LMTK3: variants seen among roughly 807,000 people sequenced by gnomAD.
LMTK3 encodes serine/threonine-protein kinase LMTK3.
LMTK3 carries 27 observed loss-of-function variants against 116.7 expected under a neutral mutation model. The ratio of observed to expected loss-of-function variants is 0.23; its 90% confidence interval spans 0.17 to 0.32. LMTK3 has a LOEUF of 0.32. Among genes scored for constraint, LMTK3 ranks in the 10% least tolerant of loss-of-function variants. The pLI, the probability that LMTK3 is intolerant of heterozygous loss-of-function variation, is 1.00. For synonymous variants in LMTK3, 965 were observed against 971.0 expected (o/e 0.99, Z 0.11); for missense variants, 1,764 against 2,068.5 (o/e 0.85, Z 2.86).
upstream of LMTK3, among the ~76,000 whole-genome samples, chr19:48,512,237 C>T (rs1752406187): frequency 1.3e-5 from 2 of 152,124 alleles, no homozygotes; most frequent in African/African-American, 4.8e-5. Flanking sequence ...CAGCCATCAG[C>T]AGACGGGGAC....
chr19:48,496,550 C>T (rs1972329789), intron 11 of LMTK3, among the ~76,000 whole-genome samples: 1 of 152,254 alleles, frequency 6.6e-6, no homozygotes, highest in Admixed American at 6.5e-5. Context: ...CCGCCCACCT[C>T]GGCCTCCCAA....
intron 5 of LMTK3, among the ~76,000 whole-genome samples, chr19:48,508,425 G>A (rs1427729887): frequency 2.6e-5 from 4 of 152,132 alleles, no homozygotes; most frequent in African/African-American, 4.8e-5. Flanking sequence ...AAGAAGGGCA[G>A]GGATGGAGCT....
intron 5 of LMTK3, among the ~76,000 whole-genome samples, chr19:48,506,033 T>C (rs1013993271): frequency 1.3e-5 from 2 of 151,042 alleles, no homozygotes; most frequent in Non-Finnish European, 2.9e-5. Context: ...TCGCAGCTAC[T>C]CTGGAGGCTG....
At position 48,493,922 on chromosome 19, in the gene LMTK3, G is replaced by C. The variant is rs1334916394; in HGVS notation, c.3864C>G (p.Asp1288Glu). The change falls in exon 12 of 15, where the codon GAC becomes GAG. Residue 1288 changes from aspartate (D) to glutamate (E), a missense_variant. Physicochemically the swap from Asp to Glu is conservative, Grantham distance 45. This residue lies in a region of LMTK3 where 281 missense variants were observed against 301.4 expected (regional missense o/e 0.93). Transcript: ENST00000600059. ...CCGCGCCCGGCGCCGCCGCCTCCTC[G>C]TCCTCCTCCTCGTCCTCGTCCTCGT... is the stretch of plus-strand genomic sequence containing the variant. ...GEDEDEDEEEDEEAAAPGAAA... is the reference protein window; with the variant it reads ...GEDEDEDEEEEEEAAAPGAAA... 5.8e-6 allele frequency: 6 copies of C among 1,030,600 alleles called. 1 individual carries two copies. The South Asian group carries it at 2.2e-4, about 38-fold the overall frequency. 63.8% of individuals were successfully genotyped at this position (1,030,600 alleles called of 1,614,324 possible). A position where few individuals can be genotyped will look rare whatever the true frequency, so the allele number is the denominator to read the frequency against.
chr19:48,499,466 T>C lies in LMTK3; in HGVS notation c.1603A>G (p.Ser535Gly). The change falls in exon 11 of 15, where the codon AGC (serine) becomes GGC (glycine). Residue 535 changes from serine (S) to glycine (G), a missense_variant. By Grantham distance (56) the Ser-to-Gly change is moderately conservative. Transcript: ENST00000600059. ...TCCAAGCGGATGTAGTACTCGCTGC[T>C]CACGGAGGGGCTGCGGGCGCTGATG... ...PVISARSPSVSSEYYIRLEEH... is the reference protein window; with the variant it reads ...PVISARSPSVGSEYYIRLEEH... The C allele has an allele frequency of 1.4e-6, 2 of 1,468,884 alleles. No homozygotes were observed. Among genetic ancestry groups the C allele is most frequent in the South Asian group, 2.8e-5 (2 of 72,670 alleles). The allele number at this position is 1,468,884 out of a possible 1,614,324, so 91.0% of individuals were successfully genotyped here.
intron 5 of LMTK3, among the ~76,000 whole-genome samples, chr19:48,508,207 G>A (rs543913453): frequency 1.4e-4 from 21 of 152,228 alleles, no homozygotes; most frequent in Non-Finnish European, 2.5e-4. Flanking sequence ...CCTGTAGGCA[G>A]TAGGGAGCCA....
intron 11 of LMTK3, among the ~76,000 whole-genome samples, chr19:48,496,363 A>G (rs1184082943): frequency 2.0e-5 from 3 of 151,432 alleles, no homozygotes; most frequent in African/African-American, 7.3e-5. Flanking sequence ...CAGTGGCACA[A>G]TCTCGGCTCG....
At chr19:48,508,812 C>T in intron 5 of LMTK3, 39 bp downstream of exon 5, 1 of 1,480,374 alleles carries the variant, frequency 6.8e-7, no homozygotes, top group African/African-American at 1.4e-5. Flanking sequence ...CTGAATGTCA[C>T]CTCAACAAGG....
At position 48,508,937 on chromosome 19, in the gene LMTK3, G is replaced by A. The variant is rs773422837; in HGVS notation, c.471C>T (p.Thr157=). The part of the protein sequence containing the change: ...VILGEIFSDY[T]PAQVVVKELR... Reference sequence around the variant, plus strand: ...GCTCCTTCACCACCACCTGGGCGGGGGTGTAGTCGGAGAAAATCTCTCCCA... The same window carrying A: ...GCTCCTTCACCACCACCTGGGCGGGAGTGTAGTCGGAGAAAATCTCTCCCA... The change falls in exon 5 of 15, where the codon ACC becomes ACT. Residue 157 remains threonine (T), a synonymous_variant. Coordinates refer to ENST00000600059, the MANE Select transcript of LMTK3 (RefSeq NM_001388485.1). 2.5e-6 allele frequency: 4 copies of A among 1,611,930 alleles called. No homozygotes were observed. Among genetic ancestry groups the A allele is most frequent in the Admixed American group, 3.3e-5 (2 of 59,720 alleles).
chr19:48,494,053 C>G lies in LMTK3; in HGVS notation c.3733G>C (p.Gly1245Arg), dbSNP rs1972281238. ...CACGGGGGCCGCCGCGGGCCCGGCCCCGGGAATGGCGTGAGCGTGAGCGGC... is the reference window on the plus strand; with the variant it reads ...CACGGGGGCCGCCGCGGGCCCGGCCGCGGGAATGGCGTGAGCGTGAGCGGC... The part of the protein sequence containing the change: ...LPPLTLTPFP[G>R]PGPRRPPWEG... Residue 1245 changes from glycine to arginine, a missense_variant, in exon 12 of 15, where the codon GGG becomes CGG. Around this residue, in one of 7 missense-constraint regions of LMTK3, gnomAD observed 39 missense variants for 75.4 expected, o/e 0.52. Coordinates refer to ENST00000600059, the MANE Select transcript of LMTK3 (RefSeq NM_001388485.1). The surrounding 1 kb of genome is among the most constrained non-coding windows in gnomAD (Gnocchi z 4.0). 8.4e-7 allele frequency: 1 copy of G among 1,187,392 alleles called. No homozygotes were observed. The highest frequency in any genetic ancestry group is 4.5e-5 in the Admixed American group (1 of 22,066). 73.6% of individuals were successfully genotyped at this position (1,187,392 alleles called of 1,614,324 possible).
At position 48,494,305 on chromosome 19, in the gene LMTK3, C is replaced by T. The variant is rs1972286114; in HGVS notation, c.3677-196G>A. On this transcript the variant is annotated intron_variant, in intron 11 of 14. Transcript: ENST00000600059. This position sits in a 1 kb window ranked among gnomAD's most constrained non-coding sequence, Gnocchi z 4.0. ...TCCAGTGCTCAACCTCCCCAGAGCT[C>T]CCCAGTGCCAACGGCTTTAAGCCGC... is the stretch of plus-strand genomic sequence containing the variant. 6.6e-6 allele frequency among the ~76,000 whole-genome samples: 1 copy of T among 152,212 alleles called. No individual in the cohort carries two copies.
In LMTK3 at chr19:48,498,601, G is replaced by A. The variant is rs763856244; in HGVS notation, c.2468C>T (p.Ala823Val). The A allele has an allele frequency of 2.6e-6, 4 of 1,546,684 alleles. No individual in the cohort carries two copies. The highest frequency in any genetic ancestry group is 1.4e-5 in the African/African-American group (1 of 72,368). ...AEEEGVPRPR[A>V]PPEPPDPGAP... ...TCCTGGGTCGGGTGGCTCGGGGGGA[G>A]CCCGCGGCCGAGGGACCCCTTCCTC... Residue 823 changes from alanine to valine, a missense_variant, in exon 11 of 15, where the codon GCT (alanine) becomes GTT (valine). By Grantham distance (64) the Ala-to-Val change is moderately conservative. Around this residue, in one of 7 missense-constraint regions of LMTK3, gnomAD observed 1,028 missense variants for 1,050.6 expected, o/e 0.98. Coordinates refer to ENST00000600059, the MANE Select transcript of LMTK3 (RefSeq NM_001388485.1).
chr19:48,504,339 G>T (rs916239279), intron 5 of LMTK3, among the ~76,000 whole-genome samples: 14 of 152,124 alleles, frequency 9.2e-5, no homozygotes, highest in Admixed American at 9.2e-4. Flanking sequence ...AGACTCGGGG[G>T]TTTGAACCCT....
At chr19:48,512,057 T>TG (rs572376440), upstream of LMTK3, among the ~76,000 whole-genome samples, 19 of 20,272 alleles carry the variant, frequency 9.4e-4, no homozygotes, top group South Asian at 0.02. Flanking sequence ...GCAGCGGGGG[T>TG]GGGGGGGCAG....
intron 14 of LMTK3, among the ~76,000 whole-genome samples, chr19:48,490,698 A>C (rs1972206411): frequency 6.6e-6 from 1 of 152,126 alleles, no homozygotes; most frequent in South Asian, 2.1e-4. Context: ...GCTCTGGTTC[A>C]CACCAACCGG....
At chr19:48,505,103 C>CTCTCT (rs1555901916) in intron 5 of LMTK3, among the ~76,000 whole-genome samples, 75 of 55,592 alleles carry the variant, frequency 1.3e-3, no homozygotes, top group Non-Finnish European at 1.6e-3. Flanking sequence ...CTCTCTCTCT[C>CTCTCT]TTTTTTTTTT....
chr19:48,485,529 G>A lies in LMTK3; in HGVS notation c.*244C>T, dbSNP rs1426070963. ...GGCGGCTCTCTATGGAGGGGCGGGG[G>A]GATTCCTGCCTCATTTGGCTCCGAG... On this transcript the variant is annotated 3_prime_UTR_variant, in exon 15 of 15. Transcript: ENST00000600059. The A allele has an allele frequency of 3.7e-6, 2 of 542,286 alleles. No homozygotes were observed. Among genetic ancestry groups the A allele is most frequent in the Non-Finnish European group, 6.5e-6 (2 of 306,186 alleles). 33.6% of individuals were successfully genotyped at this position (542,286 alleles called of 1,614,324 possible).
At chr19:48,496,178 C>T (rs1268690354) in intron 11 of LMTK3, among the ~76,000 whole-genome samples, 4 of 152,196 alleles carry the variant, frequency 2.6e-5, no homozygotes, top group Non-Finnish European at 5.9e-5. Flanking sequence ...GACGTGATCT[C>T]GGCTCACTGC....
intron 14 of LMTK3, among the ~76,000 whole-genome samples, chr19:48,486,467 T>C (rs1972127369): frequency 6.6e-6 from 1 of 152,140 alleles, no homozygotes; most frequent in South Asian, 2.1e-4. Context: ...CGCTCATCTT[T>C]CTCACTCATT....
Sources: allele counts gnomAD v4.1 joint callset (sites outside exome capture counted in the v4.1 genomes callset), GRCh38; gene constraint gnomAD v4.1.1; regional missense constraint gnomAD v4.1.1; non-coding constraint Gnocchi (gnomAD v3.1); transcripts MANE v1.5; gene names NCBI Gene and HGNC (gene_info 2026-07-23, HGNC 2026-07-21).